TBCD: variants seen among roughly 807,000 people sequenced by gnomAD.
TBCD encodes the protein tubulin-specific chaperone D.
In TBCD, 105 loss-of-function variants were observed where a neutral mutation model predicts 169.3. The ratio of observed to expected loss-of-function variants is 0.62; its 90% confidence interval spans 0.53 to 0.73. TBCD has a LOEUF of 0.73. Ranked by LOEUF, TBCD falls within the 30% of genes least tolerant of loss-of-function variation. The pLI, the probability that TBCD is intolerant of heterozygous loss-of-function variation, is 0.00. For missense variants in TBCD, 1,444 were observed against 1,600.1 expected (o/e 0.90, Z 1.66); for synonymous variants, 700 against 643.9 (o/e 1.09, Z -1.32).
At chr17:82,826,960 G>A (rs938797239) in intron 13 of TBCD, among the ~76,000 whole-genome samples, 5 of 152,046 alleles carry the variant, frequency 3.3e-5, no homozygotes, top group Non-Finnish European at 5.9e-5. Flanking sequence ...TATTAGAGAC[G>A]GTGTTTTTCC....
chr17:82,887,174 C>CGCGCGCGCGCGCGCGCGCGCGCGCGT (rs2058807484), intron 15 of TBCD, among the ~76,000 whole-genome samples: 1 of 60,142 alleles, frequency 1.7e-5, no homozygotes, highest in Non-Finnish European at 3.4e-5. Flanking sequence ...TGTGTGCGCG[C>CGCGCGCGCGCGCGCGCGCGCGCGCGT]GCGCGCACGT....
chr17:82,836,705 A>C (rs758876408), intron 13 of TBCD, among the ~76,000 whole-genome samples: 1 of 148,546 alleles, frequency 6.7e-6, no homozygotes, highest in Non-Finnish European at 1.5e-5. Flanking sequence ...AAAACAAAAC[A>C]AAACAAAACC....
At position 82,832,737 on chromosome 17, in the gene TBCD, C is replaced by G; in HGVS notation, c.1318+17803C>G. On this transcript the variant is annotated intron_variant, in intron 13 of 38. Transcript: ENST00000355528. This position sits in a 1 kb window ranked among gnomAD's most constrained non-coding sequence, Gnocchi z 4.9. Reference sequence around the variant, plus strand: ...TGCCACAGGATCCCTGAAGCAGAACCCCTGAAGGGCTGAAACTGCCTGCTC... The same window carrying G: ...TGCCACAGGATCCCTGAAGCAGAACGCCTGAAGGGCTGAAACTGCCTGCTC... 1 of 488,780 alleles carries G rather than the reference C, an allele frequency of 2.0e-6. No individual in the cohort carries two copies. Among genetic ancestry groups the G allele is most frequent in the South Asian group, 2.1e-5 (1 of 47,132 alleles). The allele number at this position is 488,780 out of a possible 1,614,324, so 30.3% of individuals were successfully genotyped here. A position where few individuals can be genotyped will look rare whatever the true frequency, so the allele number is the denominator to read the frequency against.
rs1165564242 is a variant in TBCD, at chr17:82,916,514, G to T, written c.2039-4042G>T. 2.7e-5 allele frequency among the ~76,000 whole-genome samples: 4 copies of T among 145,500 alleles called. No individual in the cohort carries two copies. The South Asian group carries it at 8.6e-4, about 31-fold the overall frequency. On this transcript the variant is annotated intron_variant, in intron 23 of 38. Transcript: ENST00000355528. ...CCCACCTCGGCCTCCCAAAGGTGCT[G>T]TTTTTTTTTTTTTCCCCACTTTGAT...
chr17:82,927,977 C>T lies in TBCD; in HGVS notation c.2682C>T (p.Ile894=), dbSNP rs376571705. The T allele has an allele frequency of 6.0e-5, 96 of 1,611,326 alleles. No homozygotes were observed. The highest frequency in any genetic ancestry group is 7.5e-5 in the Non-Finnish European group (88 of 1,179,660). Residue 894 remains isoleucine, a synonymous_variant, in exon 30 of 39, where the codon ATC becomes ATT. Coordinates refer to ENST00000355528, the MANE Select transcript of TBCD (RefSeq NM_005993.5). ...LLLARSQPEL[I]EAHTCERIMC... is the part of the protein sequence containing the mutation. The stretch of plus-strand genomic sequence containing the variant: ...TGGCTCGGAGCCAGCCTGAGCTGAT[C>T]GAGGCCCATACGTGAGTGTCACGTC...
At chr17:82,786,329 C>T (rs2049314853) in intron 7 of TBCD, among the ~76,000 whole-genome samples, 1 of 152,222 alleles carries the variant, frequency 6.6e-6, no homozygotes, top group Non-Finnish European at 1.5e-5. Flanking sequence ...GGAGGTCTAA[C>T]AGGATGTGAC....
At chr17:82,758,916 T>G (rs1392768784) in intron 2 of TBCD, among the ~76,000 whole-genome samples, 1 of 151,728 alleles carries the variant, frequency 6.6e-6, no homozygotes, top group Non-Finnish European at 1.5e-5. Context: ...CCCACCTTGG[T>G]CTCCCAAAGT....
chr17:82,915,667 C>T lies in TBCD; in HGVS notation c.2038+3878C>T, dbSNP rs1294522873. 6.6e-6 allele frequency among the ~76,000 whole-genome samples: 1 copy of T among 152,166 alleles called. No individual in the cohort carries two copies. The highest frequency in any genetic ancestry group is 1.9e-4 in the East Asian group (1 of 5,190). On this transcript the variant is annotated intron_variant, in intron 23 of 38. Transcript: ENST00000355528. This position sits in a 1 kb window ranked among gnomAD's most constrained non-coding sequence, Gnocchi z 4.3. The stretch of plus-strand genomic sequence containing the variant: ...AAACCACAGGTGTTTTTTTATCCTG[C>T]TCACATGTGGATCACCGAGGGCAGG...
intron 13 of TBCD, among the ~76,000 whole-genome samples, chr17:82,847,747 G>A (rs925625153): frequency 1.3e-5 from 2 of 152,102 alleles, no homozygotes; most frequent in African/African-American, 2.4e-5. Context: ...TCAGCCTCCC[G>A]AATAGCTGGG....
At chr17:82,908,218 G>A (rs1284952793) in intron 21 of TBCD, 1 of 436,376 alleles carries the variant, frequency 2.3e-6, no homozygotes. Flanking sequence ...AGCCAACTCT[G>A]GGTGGGGGCA....
rs77592852 is a variant in TBCD, at chr17:82,853,027, C to T, written c.1319-17197C>T. 1.5e-3 allele frequency among the ~76,000 whole-genome samples: 230 copies of T among 152,272 alleles called. 3 individuals carry two copies. Among genetic ancestry groups the T allele is most frequent in the Non-Finnish European group, 2.8e-3 (189 of 68,012 alleles). ...CGAGAGCTCGTGATGGAGAGTGCCT[C>T]TTTATGCCCGATGTGAATGTGGCTA... On this transcript the variant is annotated intron_variant, in intron 13 of 38. Transcript: ENST00000355528.
At position 82,920,851 on chromosome 17, in the gene TBCD, C is replaced by T. The variant is rs896178281; in HGVS notation, c.2101+233C>T. The stretch of plus-strand genomic sequence containing the variant: ...TTCCCCGCCGTCACCTCAGTACCCC[C>T]ACCTCCTCGCTTCCATGCCCAGGGC... On this transcript the variant is annotated intron_variant, in intron 24 of 38. Transcript: ENST00000355528. The surrounding 1 kb of genome is among the most constrained non-coding windows in gnomAD (Gnocchi z 4.1). Among the ~76,000 whole-genome samples, 3 of 152,230 alleles carry T rather than the reference C, an allele frequency of 2.0e-5. No homozygotes were observed. Among genetic ancestry groups the T allele is most frequent in the African/African-American group, 4.8e-5 (2 of 41,470 alleles).
intron 7 of TBCD, among the ~76,000 whole-genome samples, chr17:82,788,001 C>T (rs776474413): frequency 6.6e-6 from 1 of 152,216 alleles, no homozygotes; most frequent in Non-Finnish European, 1.5e-5. Flanking sequence ...CTTTGGGAGG[C>T]CGAGGCAGGT....
rs142438427 is a variant in TBCD at position 82,911,871 on chromosome 17, C to A, written c.2038+82C>A. 3 of 1,487,184 alleles carry A rather than the reference C, an allele frequency of 2.0e-6. No individual in the cohort carries two copies. The East Asian group carries it at 6.9e-5, about 34-fold the overall frequency. The allele number at this position is 1,487,184 out of a possible 1,614,324, so 92.1% of individuals were successfully genotyped here. On this transcript the variant is annotated intron_variant, in intron 23 of 38. Coordinates refer to ENST00000355528, the MANE Select transcript of TBCD (RefSeq NM_005993.5). ...GGAGGTGTGCTCGTGGCGTGCAGGG[C>A]GGCCCATTAGCCCCCAGGGTGAAGG...
chr17:82,943,632 C>G lies in TBCD; in HGVS notation c.*1169C>G, dbSNP rs988634163. 3 of 152,186 alleles carry G rather than the reference C, an allele frequency of 2.0e-5. No individual in the cohort carries two copies. The highest frequency in any genetic ancestry group is 6.5e-5 in the Admixed American group (1 of 15,292). The allele number at this position is 152,186 out of a possible 1,614,324, so 9.4% of individuals were successfully genotyped here. On this transcript the variant is annotated 3_prime_UTR_variant, in exon 39 of 39. Coordinates refer to ENST00000355528, the MANE Select transcript of TBCD (RefSeq NM_005993.5). ...TGTGAGGTCACCAGGACCACAAGACCAGGACTGTGACAGTCCGTGCTGTGT... is the reference window on the plus strand; with the variant it reads ...TGTGAGGTCACCAGGACCACAAGACGAGGACTGTGACAGTCCGTGCTGTGT...
At chr17:82,872,963 CGGCTTCTG>C (rs2057710060) in intron 14 of TBCD, among the ~76,000 whole-genome samples, 4 of 150,560 alleles carry the variant, frequency 2.7e-5, no homozygotes, top group African/African-American at 9.8e-5. Context: ...TCGTGGCCGA[CGGCTTCTG>C]AGCCAGGCCC....
chr17:82,798,444 C>T (rs564794395), intron 8 of TBCD, among the ~76,000 whole-genome samples: 1 of 151,938 alleles, frequency 6.6e-6, no homozygotes, highest in East Asian at 1.9e-4. Flanking sequence ...CCGTGCCCGG[C>T]CTAATTTTTG....
chr17:82,838,416 CTA>C (rs1297152270), intron 13 of TBCD, among the ~76,000 whole-genome samples: 1 of 152,132 alleles, frequency 6.6e-6, no homozygotes, highest in Non-Finnish European at 1.5e-5. Flanking sequence ...GGCTGGGTAA[CTA>C]TGCTTGTCAT....
rs34791072 is a variant in TBCD, at chr17:82,923,712, G to A, written c.2239G>A (p.Glu747Lys). The A allele has an allele frequency of 2.1e-4, 333 of 1,599,786 alleles. 1 individual carries two copies. In the African/African-American group the frequency reaches 3.2e-3, roughly 16 times the overall value. Reference sequence around the variant, plus strand: ...TGAATATTACATGAAGGAGCCGGGGGAGGCAGATCCCGCAATTCAGGGTGA... The same window carrying A: ...TGAATATTACATGAAGGAGCCGGGGAAGGCAGATCCCGCAATTCAGGGTGA... ...CSEYYMKEPG[E>K]ADPAIQEELI... Residue 747 changes from glutamate to lysine, a missense_variant, in exon 26 of 39, where the codon GAG becomes AAG. Transcript: ENST00000355528. This position sits in a 1 kb window ranked among gnomAD's most constrained non-coding sequence, Gnocchi z 4.6.
Sources: gnomAD v4.1 joint callset for allele counts (sites outside exome capture counted in the v4.1 genomes callset) on GRCh38, gnomAD v4.1.1 for gene constraint, Gnocchi (gnomAD v3.1) non-coding constraint, MANE v1.5 for transcripts, NCBI Gene and HGNC (gene_info 2026-07-23, HGNC 2026-07-21) for gene names.